Variants in TANC2 observed in about 807,000 individuals in gnomAD.
The protein encoded by TANC2 is tetratricopeptide repeat, ankyrin repeat and coiled-coil containing 2.
A neutral mutation model predicts 210.5 loss-of-function variants in TANC2; 26 were observed. The observed-to-expected ratio is 0.12, with a 90% confidence interval of 0.09 to 0.17. The LOEUF is 0.17. Ranked by LOEUF, TANC2 falls within the 10% of genes least tolerant of loss-of-function variation. The pLI is 1.00. For synonymous variants in TANC2, 931 were observed against 967.1 expected, an observed-to-expected ratio of 0.96 and a Z score of 0.69; for missense variants, 2,129 against 2,608.9, an observed-to-expected ratio of 0.82 and a Z score of 4.01.
At chr17:63,176,407 G>T (rs2145611829) in intron 5 of TANC2, among the ~76,000 whole-genome samples, 1 of 152,246 alleles carries the variant, frequency 6.6e-6, no homozygotes, top group South Asian at 2.1e-4. Flanking sequence ...TGTAAAACAG[G>T]CTGAATGAAA....
At chr17:63,139,099 C>T (rs866216080) in intron 4 of TANC2, among the ~76,000 whole-genome samples, 2 of 152,188 alleles carry the variant, frequency 1.3e-5, no homozygotes, top group South Asian at 2.1e-4. Context: ...GACTAGATTG[C>T]TCAAATAATT....
At chr17:63,112,448 G>A (rs1048740875) in intron 4 of TANC2, among the ~76,000 whole-genome samples, 8 of 152,112 alleles carry the variant, frequency 5.3e-5, no homozygotes, top group African/African-American at 1.2e-4. Flanking sequence ...CACTGTGTAA[G>A]GTAATGTTGT....
intron 1 of TANC2, among the ~76,000 whole-genome samples, chr17:62,986,421 G>T (rs998365782): frequency 1.3e-5 from 2 of 152,206 alleles, no homozygotes; most frequent in South Asian, 2.1e-4. Context: ...CTGACCTGGG[G>T]ATGTGTTTGC....
intron 12 of TANC2, among the ~76,000 whole-genome samples, chr17:63,340,770 A>G (rs1004079495): frequency 2.6e-5 from 4 of 152,224 alleles, no homozygotes; most frequent in Non-Finnish European, 5.9e-5. Context: ...TGGTTACACA[A>G]TGCTCTGTAT....
intron 4 of TANC2, among the ~76,000 whole-genome samples, chr17:63,119,091 A>G (rs914859587): frequency 2.0e-5 from 3 of 151,722 alleles, no homozygotes; most frequent in African/African-American, 7.3e-5. Flanking sequence ...CCTCCAACTA[A>G]TTTTTTTAAA....
intron 12 of TANC2, among the ~76,000 whole-genome samples, chr17:63,346,950 C>G (rs1478516877): frequency 6.6e-6 from 1 of 151,940 alleles, no homozygotes; most frequent in East Asian, 1.9e-4. Flanking sequence ...AAGCAGTTTT[C>G]CCGCCTCAGC....
intron 1 of TANC2, among the ~76,000 whole-genome samples, chr17:63,003,224 T>G (rs1284577787): frequency 1.3e-5 from 2 of 152,346 alleles, no homozygotes; most frequent in East Asian, 1.9e-4. Flanking sequence ...TGTTGAGCCC[T>G]TATAATTTGG....
chr17:63,399,599 G>A (rs1051292768), intron 19 of TANC2, among the ~76,000 whole-genome samples: 2 of 152,220 alleles, frequency 1.3e-5, no homozygotes, highest in African/African-American at 4.8e-5. Context: ...AACCTTGGAT[G>A]TGTTTTTATG....
intron 25 of TANC2, among the ~76,000 whole-genome samples, 152 bp from the exon 26 acceptor site, chr17:63,415,376 T>C (rs924149320): frequency 2.0e-5 from 3 of 152,182 alleles, no homozygotes; most frequent in South Asian, 4.1e-4. Context: ...CCTTCTGCCC[T>C]CACCATCAGG....
At chr17:63,103,802 TGAC>T in intron 4 of TANC2, among the ~76,000 whole-genome samples, 1 of 152,334 alleles carries the variant, frequency 6.6e-6, no homozygotes, top group Non-Finnish European at 1.5e-5. Flanking sequence ...GCAATAATAA[TGAC>T]AATAATTTTC....
At chr17:63,007,029 T>A (rs932873397) in intron 1 of TANC2, among the ~76,000 whole-genome samples, 5 of 151,644 alleles carry the variant, frequency 3.3e-5, no homozygotes, top group African/African-American at 1.2e-4. Flanking sequence ...AGTTGGAGAC[T>A]GGCCTGGGAA....
At chr17:63,175,515 A>G (rs1392844964) in intron 5 of TANC2, among the ~76,000 whole-genome samples, 8 of 131,484 alleles carry the variant, frequency 6.1e-5, no homozygotes, top group Non-Finnish European at 1.1e-4. Context: ...CGACGGAGTG[A>G]GACCCTGTCT....
chr17:63,235,722 G>T (rs945115775), intron 7 of TANC2, among the ~76,000 whole-genome samples: 1 of 151,974 alleles, frequency 6.6e-6, no homozygotes, highest in African/African-American at 2.4e-5. Flanking sequence ...ATTACCTCAT[G>T]AGCTTAGGTC....
intron 2 of TANC2, among the ~76,000 whole-genome samples, chr17:63,051,730 T>C (rs894802987): frequency 6.6e-6 from 1 of 152,200 alleles, no homozygotes; most frequent in Non-Finnish European, 1.5e-5. Flanking sequence ...TCTTTCACTC[T>C]CAGTACAGTC....
chr17:63,108,908 G>A (rs1231734317), intron 4 of TANC2, among the ~76,000 whole-genome samples: 5 of 151,288 alleles, frequency 3.3e-5, no homozygotes, highest in African/African-American at 1.2e-4. Context: ...ATTTTTCATT[G>A]AAAATCAAAA....
At chr17:63,211,574 G>C (rs1166293030) in intron 7 of TANC2, among the ~76,000 whole-genome samples, 3 of 151,964 alleles carry the variant, frequency 2.0e-5, no homozygotes, top group African/African-American at 7.2e-5. Context: ...CCTTTCCTCA[G>C]CTCTGCACTT....
At chr17:63,071,269 A>G (rs1344571058) in intron 2 of TANC2, among the ~76,000 whole-genome samples, 2 of 152,046 alleles carry the variant, frequency 1.3e-5, no homozygotes, top group South Asian at 2.1e-4. Flanking sequence ...TCAGGTGCCA[A>G]ATTTTCTTAA....
exon 26 of TANC2, chr17:63,415,636 C>G (rs2048835905): frequency 6.2e-7 from 1 of 1,613,870 alleles, no homozygotes; most frequent in Non-Finnish European, 8.5e-7. Context: ...AAAGGTGTCT[C>G]TCCTCCTCAA....
chr17:63,389,646 T>C (rs1401032896), intron 17 of TANC2, 102 bp downstream of exon 17: 5 of 1,147,542 alleles, frequency 4.4e-6, no homozygotes, highest in Admixed American at 2.0e-5. Flanking sequence ...GGGTAGAGTA[T>C]ATCAAACCAT....
Sources: allele counts gnomAD v4.1 joint callset (sites outside exome capture counted in the v4.1 genomes callset), GRCh38; gene constraint gnomAD v4.1.1; transcripts MANE v1.5; gene names NCBI Gene and HGNC (gene_info 2026-07-23, HGNC 2026-07-21).